Variants in PRMT8 observed in about 807,000 individuals in gnomAD.
PRMT8 encodes protein arginine methyltransferase 8, also known as protein arginine N-methyltransferase 8.
A neutral mutation model predicts 47.1 loss-of-function variants in PRMT8; 7 were observed. The ratio of observed to expected loss-of-function variants is 0.15; its 90% CI spans 0.08 to 0.28. PRMT8 has a LOEUF of 0.28. PRMT8 is among the 10% of genes least tolerant of loss of function. The probability of loss-of-function intolerance (pLI) is 1.00; values close to 1 mark genes in which losing one functional copy is unlikely to be tolerated. For synonymous variants in PRMT8, 188 were observed against 186.5 expected, an observed-to-expected ratio of 1.01 and a Z score of -0.07; for missense variants, 237 against 505.4, an observed-to-expected ratio of 0.47 and a Z score of 5.09.
At chr12:3,571,064 T>C (rs1262482801) in intron 6 of PRMT8, among the ~76,000 whole-genome samples, 2 of 152,182 alleles carry the variant, frequency 1.3e-5, no homozygotes, top group Non-Finnish European at 2.9e-5. Context: ...AGACTTGTCA[T>C]GAGGATTAAG....
chr12:3,577,045 G>C (rs1866958515), intron 7 of PRMT8, 59 bp downstream of exon 7: 1 of 1,450,850 alleles, frequency 6.9e-7, no homozygotes, highest in Admixed American at 1.7e-5. Context: ...GTGCCACCCT[G>C]GAGTCCAGGC....
At position 3,569,390 on chromosome 12, in the gene PRMT8, T is replaced by C. The variant is rs1866802918; in HGVS notation, c.625-87T>C. 3 of 1,114,104 alleles carry C rather than the reference T, an allele frequency of 2.7e-6. No homozygotes were observed. The highest frequency in any genetic ancestry group is 1.7e-5 in the Admixed American group (1 of 58,746). The allele number at this position is 1,114,104 out of a possible 1,614,324, so 69.0% of individuals were successfully genotyped here. A position where few individuals can be genotyped will look rare whatever the true frequency, so the allele number is the denominator to read the frequency against. ...AGAGATGGTGGCAAGGGGGTGCTTG[T>C]CTGGTGACTCTATGTGCAGTTCAAA... On this transcript the variant is annotated intron_variant, in intron 5 of 9. Coordinates refer to ENST00000382622, the MANE Select transcript of PRMT8 (RefSeq NM_019854.5). This position sits in a 1 kb window ranked among gnomAD's most constrained non-coding sequence, Gnocchi z 8.2.
rs575667774 is a variant in PRMT8, at chr12:3,556,595, G to T, written c.481+2881G>T. ...GAATAGGTTCAGGAAAGACTGTGAG[G>T]CAAGGACCAGAAATGATGGAATAGA... On this transcript the variant is annotated intron_variant, in intron 4 of 9. Transcript: ENST00000382622. Among the ~76,000 whole-genome samples the T allele has an allele frequency of 1.7e-4, 26 of 152,238 alleles. 1 individual carries two copies. The South Asian group carries it at 2.3e-3, about 13-fold the overall frequency.
In PRMT8 at chr12:3,456,867, C is replaced by T. The variant is rs186867043; in HGVS notation, c.48+75425C>T. 1.6e-3 allele frequency among the ~76,000 whole-genome samples: 237 copies of T among 152,314 alleles called. 2 individuals carry two copies. Among genetic ancestry groups the T allele is most frequent in the Admixed American group, 0.014 (210 of 15,298 alleles). ...CAACAACAGAACAGCACCTGGGGCT[C>T]TCTTAAAGGCTTTAAACACAGAGGA... On this transcript the variant is annotated intron_variant, in intron 1 of 9. Transcript: ENST00000452611. This position sits in a 1 kb window ranked among gnomAD's most constrained non-coding sequence, Gnocchi z 4.2.
intron 6 of PRMT8, among the ~76,000 whole-genome samples, chr12:3,575,743 G>A (rs889812762): frequency 2.0e-5 from 3 of 152,180 alleles, no homozygotes; most frequent in Non-Finnish European, 2.9e-5. Flanking sequence ...TATTGGCCAG[G>A]CATGGTGACT....
chr12:3,518,392 GA>G (rs1865828749), intron 1 of PRMT8, among the ~76,000 whole-genome samples: 1 of 95,280 alleles, frequency 1.0e-5, no homozygotes, highest in Non-Finnish European at 2.3e-5. Context: ...CTAGAGTTAG[GA>G]ATTCTTTTTT....
chr12:3,476,940 G>A (rs977485834), intron 1 of PRMT8, among the ~76,000 whole-genome samples: 3 of 152,200 alleles, frequency 2.0e-5, no homozygotes, highest in African/African-American at 7.2e-5. Context: ...GGAGAAATTG[G>A]GAAGCATTTT....
In PRMT8 at chr12:3,403,607, C is replaced by T. The variant is rs537911840; in HGVS notation, c.48+22165C>T. On this transcript the variant is annotated intron_variant, in intron 1 of 9. Transcript: ENST00000452611. ...AGAAATGCAGTCTTTAGGATGAGTG[C>T]GGTGGCTCACGACTGTAATCCCAGA... 4.0e-5 allele frequency among the ~76,000 whole-genome samples: 6 copies of T among 151,774 alleles called. No homozygotes were observed. The East Asian group carries it at 5.8e-4, about 15-fold the overall frequency.
chr12:3,546,035 C>T (rs182344000), intron 2 of PRMT8, among the ~76,000 whole-genome samples: 1 of 152,126 alleles, frequency 6.6e-6, no homozygotes, highest in Non-Finnish European at 1.5e-5. Flanking sequence ...AAACTGAGAA[C>T]AATAAACTAT....
rs1428003200 is a variant in PRMT8, at chr12:3,435,374, A to C, written c.48+53932A>C. Among the ~76,000 whole-genome samples, 3 of 152,234 alleles carry C rather than the reference A, an allele frequency of 2.0e-5. No homozygotes were observed. In the East Asian group the frequency reaches 5.8e-4, roughly 29 times the overall value. Reference sequence around the variant, plus strand: ...AGCTGTTTGAGTCTCTCTGCATATCAGACAGGGATAATTAGACCACCTTGC... The same window carrying C: ...AGCTGTTTGAGTCTCTCTGCATATCCGACAGGGATAATTAGACCACCTTGC... On this transcript the variant is annotated intron_variant, in intron 1 of 9. Coordinates refer to the PRMT8 transcript ENST00000452611.
At chr12:3,558,424 A>G (rs1393215196) in intron 4 of PRMT8, among the ~76,000 whole-genome samples, 1 of 152,234 alleles carries the variant, frequency 6.6e-6, no homozygotes, top group Non-Finnish European at 1.5e-5. Context: ...GACATTTTCT[A>G]CAAGCCACAT....
At chr12:3,429,890 C>T (rs1166625066) in intron 1 of PRMT8, among the ~76,000 whole-genome samples, 1 of 152,236 alleles carries the variant, frequency 6.6e-6, no homozygotes, top group Non-Finnish European at 1.5e-5. Context: ...CACAGGGATG[C>T]TCCACAGGGC....
intron 1 of PRMT8, among the ~76,000 whole-genome samples, chr12:3,395,498 C>T: frequency 6.6e-6 from 1 of 151,932 alleles, no homozygotes; most frequent in African/African-American, 2.4e-5. Flanking sequence ...GCAGGTTGTT[C>T]AGTTTCCATG....
chr12:3,491,885 TG>T (rs1865414346), intron 1 of PRMT8, among the ~76,000 whole-genome samples, 185 bp downstream of exon 1: 1 of 58,286 alleles, frequency 1.7e-5, no homozygotes, highest in African/African-American at 7.5e-5. Flanking sequence ...TGTGTGTGTG[TG>T]TGTTGGTGGG....
chr12:3,479,243 A>G (rs566164567), intron 1 of PRMT8, among the ~76,000 whole-genome samples: 1 of 152,354 alleles, frequency 6.6e-6, no homozygotes, highest in South Asian at 2.1e-4. Flanking sequence ...CATGCCTCCC[A>G]ATGGCTTCCC....
chr12:3,588,668 G>A (rs1038141144), intron 8 of PRMT8, among the ~76,000 whole-genome samples: 16 of 152,246 alleles, frequency 1.1e-4, no homozygotes, highest in Non-Finnish European at 7.3e-5. Context: ...TGAATGCACT[G>A]CACTAGGAAT....
upstream of PRMT8, among the ~76,000 whole-genome samples, chr12:3,486,539 T>C (rs1027471777): frequency 6.6e-6 from 1 of 152,142 alleles, no homozygotes; most frequent in Non-Finnish European, 1.5e-5. Flanking sequence ...TGGCTTCCAG[T>C]TGGCTTTCAG....
chr12:3,545,267 T>C (rs1412894194), intron 2 of PRMT8, among the ~76,000 whole-genome samples: 1 of 152,212 alleles, frequency 6.6e-6, no homozygotes, highest in Admixed American at 6.5e-5. Flanking sequence ...GGGATTTGAA[T>C]GCTCTAGAGT....
In PRMT8 at chr12:3,540,801, C is replaced by A; in HGVS notation, c.261+10C>A. The A allele has an allele frequency of 4.3e-6, 7 of 1,611,770 alleles. No individual in the cohort carries two copies. Among genetic ancestry groups the A allele is most frequent in the Non-Finnish European group, 5.9e-6 (7 of 1,178,672 alleles). On this transcript the variant is annotated intron_variant, in intron 2 of 9. Transcript: ENST00000382622. ...CTTTGGGATCCACGAGGTAAAGTGT[C>A]CCGAGTGGGTGGCTAATGGGGCGAG...
Sources: allele counts gnomAD v4.1 joint callset (sites outside exome capture counted in the v4.1 genomes callset), GRCh38; gene constraint gnomAD v4.1.1; non-coding constraint Gnocchi (gnomAD v3.1); transcripts MANE v1.5; gene names NCBI Gene and HGNC (gene_info 2026-07-23, HGNC 2026-07-21).